EFNA5: variants seen among roughly 807,000 people sequenced by gnomAD.
EFNA5 encodes ephrin A5, also known as ephrin-A5.
In EFNA5, 5 loss-of-function variants were observed where a neutral mutation model predicts 22.9. The observed-to-expected ratio is 0.22, with a 90% CI of 0.11 to 0.46. The LOEUF (loss-of-function observed/expected upper bound fraction) is 0.46. Among genes scored for constraint, EFNA5 ranks in the 20% least tolerant of loss-of-function variants. EFNA5 has a pLI of 0.99. For missense variants in EFNA5, 237 were observed against 293.3 expected (o/e 0.81, Z 1.40); for synonymous variants, 113 against 112.2 (o/e 1.01, Z -0.04).
chr5:107,576,006 T>C (rs570278312), intron 1 of EFNA5, among the ~76,000 whole-genome samples: 3 of 152,296 alleles, frequency 2.0e-5, no homozygotes, highest in Non-Finnish European at 4.4e-5. Flanking sequence ...AAGGAGGAAA[T>C]GCCAGGCAAA....
At chr5:107,502,389 C>T (rs1747155604) in intron 1 of EFNA5, among the ~76,000 whole-genome samples, 2 of 152,146 alleles carry the variant, frequency 1.3e-5, no homozygotes, top group Admixed American at 6.5e-5. Context: ...AACTGTTCCT[C>T]GACATTCTGA....
intron 1 of EFNA5, among the ~76,000 whole-genome samples, chr5:107,630,541 G>A (rs1750228529): frequency 2.0e-5 from 3 of 152,040 alleles, no homozygotes; most frequent in African/African-American, 7.2e-5. Flanking sequence ...ACATTACCAT[G>A]AATGGAGCTT....
Position 107,395,034 on chromosome 5 carries a change from C to CTTTTTTTGTTTTTTTTTTTTTT in EFNA5, c.419-7264_419-7263insAAAAAAAAAAAAAACAAAAAAA, listed in dbSNP as rs1747883934. ...CCCCTTATAAGAAGGATTTCTAGTT[C>CTTTTTTTGTTTTTTTTTTTTTT]TTTTTTTTTTTTTTTTTTCCGCGAG... On this transcript the variant is annotated intron_variant, in intron 2 of 4. Transcript: ENST00000333274. Among the ~76,000 whole-genome samples, 2 of 86,140 alleles carry CTTTTTTTGTTTTTTTTTTTTTT rather than the reference C, an allele frequency of 2.3e-5. 1 individual carries two copies. The highest frequency in any genetic ancestry group is 8.6e-5 in the African/African-American group (2 of 23,184). 56.5% of individuals were successfully genotyped at this position (86,140 alleles called of 152,430 possible).
intron 1 of EFNA5, among the ~76,000 whole-genome samples, chr5:107,573,045 C>T (rs1580537326): frequency 1.3e-5 from 2 of 152,290 alleles, no homozygotes; most frequent in East Asian, 1.9e-4. Flanking sequence ...AAAAAGAAAC[C>T]TGTTTGTAAA....
chr5:107,523,615 C>T (rs575233829), intron 1 of EFNA5, among the ~76,000 whole-genome samples: 1 of 152,330 alleles, frequency 6.6e-6, no homozygotes, highest in African/African-American at 2.4e-5. Context: ...CCAAGAGGCT[C>T]TATCGTTAAC....
chr5:107,485,388 G>T (rs1422546156), intron 1 of EFNA5, among the ~76,000 whole-genome samples: 1 of 152,242 alleles, frequency 6.6e-6, no homozygotes, highest in Non-Finnish European at 1.5e-5. Flanking sequence ...AAGCCAGCAA[G>T]TAACCCCCTG....
chr5:107,640,478 C>A (rs1386674360), intron 1 of EFNA5, among the ~76,000 whole-genome samples: 1 of 152,168 alleles, frequency 6.6e-6, no homozygotes, highest in Admixed American at 6.5e-5. Flanking sequence ...ATAATCGTGA[C>A]ATTATAAAAC....
chr5:107,482,832 G>GTCTCTC (rs59574940), intron 1 of EFNA5, among the ~76,000 whole-genome samples: 15 of 93,982 alleles, frequency 1.6e-4, no homozygotes, highest in Non-Finnish European at 2.3e-4. Context: ...CTCTGTCTCT[G>GTCTCTC]TCTCTCTCTC....
chr5:107,622,862 A>C (rs2112529929), intron 1 of EFNA5, among the ~76,000 whole-genome samples: 1 of 151,518 alleles, frequency 6.6e-6, no homozygotes, highest in Middle Eastern at 3.4e-3. Context: ...TCTACTAAAA[A>C]TACAAAAAAT....
intron 1 of EFNA5, among the ~76,000 whole-genome samples, chr5:107,512,010 G>T (rs1747381192): frequency 6.6e-6 from 1 of 152,122 alleles, no homozygotes. Context: ...CACCCAAAAG[G>T]TGCATTTTGA....
At chr5:107,501,491 G>A (rs886448366) in intron 1 of EFNA5, among the ~76,000 whole-genome samples, 3 of 91,330 alleles carry the variant, frequency 3.3e-5, no homozygotes, top group East Asian at 4.8e-4. Flanking sequence ...TCCTTAATCA[G>A]TTTGGCAATA....
At chr5:107,395,057 G>A (rs912536687) in intron 2 of EFNA5, among the ~76,000 whole-genome samples, 10 of 9,072 alleles carry the variant, frequency 1.1e-3, no homozygotes, top group African/African-American at 1.6e-3. Context: ...TTTTTTCCGC[G>A]AGACAGTGTC....
At chr5:107,429,795 G>A (rs2112423776) in intron 1 of EFNA5, among the ~76,000 whole-genome samples, 1 of 152,208 alleles carries the variant, frequency 6.6e-6, no homozygotes, top group African/African-American at 2.4e-5. Context: ...ATTAAAATAA[G>A]TAAATAAAAT....
intron 2 of EFNA5, among the ~76,000 whole-genome samples, chr5:107,409,879 T>C (rs1305418089): frequency 6.6e-6 from 1 of 152,194 alleles, no homozygotes; most frequent in Non-Finnish European, 1.5e-5. Context: ...TATGCTGGTC[T>C]ACTCATCAAA....
At chr5:107,532,545 C>T (rs1478611009) in intron 1 of EFNA5, among the ~76,000 whole-genome samples, 10 of 152,164 alleles carry the variant, frequency 6.6e-5, no homozygotes. Flanking sequence ...CCGGCCTCCA[C>T]GGTCCAATGT....
intron 1 of EFNA5, among the ~76,000 whole-genome samples, chr5:107,567,154 T>C (rs1748680101): frequency 6.6e-6 from 1 of 152,208 alleles, no homozygotes; most frequent in Non-Finnish European, 1.5e-5. Context: ...ACCCTCCCTG[T>C]GTCCTTTAAT....
In EFNA5 at chr5:107,653,907, T is replaced by C. The variant is rs1750779326; in HGVS notation, c.125+16582A>G. The stretch of plus-strand genomic sequence containing the variant: ...CAATGTTTGCCTACTCTGCCCAGAA[T>C]GGTAATGCAAGAGCTCTAGGTGAAG... On this transcript the variant is annotated intron_variant, in intron 1 of 4. Transcript: ENST00000333274. 3.3e-5 allele frequency among the ~76,000 whole-genome samples: 5 copies of C among 152,050 alleles called. No individual in the cohort carries two copies. In the South Asian group the frequency reaches 1.0e-3, roughly 32 times the overall value.
At chr5:107,469,394 A>AT (rs5870262) in intron 1 of EFNA5, among the ~76,000 whole-genome samples, 59,781 of 151,026 alleles carry the variant, frequency 0.4, 13,503 homozygotes, top group African/African-American at 0.62. Flanking sequence ...TCTTTCTTTT[A>AT]TTTTTTTTTG....
chr5:107,484,745 T>C (rs999296056), intron 1 of EFNA5, among the ~76,000 whole-genome samples: 4 of 151,924 alleles, frequency 2.6e-5, no homozygotes, highest in African/African-American at 9.7e-5. Flanking sequence ...TCAGGGTACC[T>C]AGGTAGAGCA....
Sources: gnomAD v4.1 joint callset for allele counts (sites outside exome capture counted in the v4.1 genomes callset) on GRCh38, gnomAD v4.1.1 for gene constraint, MANE v1.5 for transcripts, NCBI Gene and HGNC (gene_info 2026-07-23, HGNC 2026-07-21) for gene names.